SV2B: variants seen among roughly 807,000 people sequenced by gnomAD.
SV2B encodes synaptic vesicle glycoprotein 2B.
Under a neutral mutation model 73.9 loss-of-function variants are expected in SV2B, and 41 were observed. The ratio of observed to expected loss-of-function variants is 0.56; its 90% CI spans 0.43 to 0.72. SV2B has a LOEUF of 0.72. SV2B is among the 30% of genes least tolerant of loss of function. The pLI is 0.00. For synonymous variants in SV2B, 314 were observed against 314.2 expected, an observed-to-expected ratio of 1.00 and a Z score of 0.01; for missense variants, 764 against 857.8, an observed-to-expected ratio of 0.89 and a Z score of 1.37.
chr15:91,267,533 C>A lies in SV2B; in HGVS notation c.1120-22C>A. On this transcript the variant is annotated intron_variant, in intron 7 of 12. Transcript: ENST00000394232. This position sits in a 1 kb window ranked among gnomAD's most constrained non-coding sequence, Gnocchi z 4.3. The stretch of plus-strand genomic sequence containing the variant: ...GTCACACATTGCTTTCTTTAACAAT[C>A]CTTCTCTGGTATGGGTTGTAGGTCT... 2.5e-6 allele frequency: 4 copies of A among 1,598,326 alleles called. No individual in the cohort carries two copies. The African/African-American group carries it at 4.0e-5, about 16-fold the overall frequency.
intron 1 of SV2B, among the ~76,000 whole-genome samples, chr15:91,181,131 G>C (rs2044538897): frequency 6.6e-6 from 1 of 152,196 alleles, no homozygotes; most frequent in South Asian, 2.1e-4. Flanking sequence ...CTCAGCTGCA[G>C]GTCTGTTGGA....
At chr15:91,266,405 A>T (rs1374369416) in intron 6 of SV2B, among the ~76,000 whole-genome samples, 177 bp from the exon 7 acceptor site, 1 of 152,188 alleles carries the variant, frequency 6.6e-6, no homozygotes, top group African/African-American at 2.4e-5. Flanking sequence ...TCCCTAGATG[A>T]AAAGTTTATT....
chr15:91,266,175 A>G (rs1411170976), intron 6 of SV2B, among the ~76,000 whole-genome samples: 2 of 152,180 alleles, frequency 1.3e-5, no homozygotes, highest in African/African-American at 4.8e-5. Flanking sequence ...AAACAAATAA[A>G]AAAAACAAAA....
chr15:91,151,485 AGTCAG>A (rs1209285355), intron 1 of SV2B, among the ~76,000 whole-genome samples: 3 of 152,370 alleles, frequency 2.0e-5, no homozygotes, highest in Admixed American at 6.5e-5. Context: ...AGCCCAAGAA[AGTCAG>A]ATTTATTGAT....
intron 9 of SV2B, among the ~76,000 whole-genome samples, chr15:91,278,504 C>T (rs921226496): frequency 4.0e-5 from 6 of 151,298 alleles, no homozygotes; most frequent in East Asian, 1.9e-4. Context: ...GGTGAAACCC[C>T]GTCTCTACTA....
chr15:91,184,812 A>G (rs1349135186), intron 1 of SV2B, among the ~76,000 whole-genome samples: 3 of 152,238 alleles, frequency 2.0e-5, no homozygotes, highest in Non-Finnish European at 2.9e-5. Flanking sequence ...CTGGTTTAAA[A>G]ACTCTAAGTC....
At chr15:91,216,714 G>A (rs2046039593) in intron 1 of SV2B, among the ~76,000 whole-genome samples, 1 of 151,002 alleles carries the variant, frequency 6.6e-6, no homozygotes, top group South Asian at 2.1e-4. Context: ...CAGGTGATCT[G>A]CCCGCCTCGG....
chr15:91,213,019 G>T (rs1449152131), intron 1 of SV2B, among the ~76,000 whole-genome samples: 1 of 151,820 alleles, frequency 6.6e-6, no homozygotes, highest in Non-Finnish European at 1.5e-5. Context: ...TGGGCATGGT[G>T]GCTCACACCT....
At chr15:91,167,805 T>G (rs2043967551) in intron 1 of SV2B, among the ~76,000 whole-genome samples, 1 of 152,246 alleles carries the variant, frequency 6.6e-6, no homozygotes. Flanking sequence ...CTATAGATTT[T>G]GATTATTATG....
At chr15:91,194,381 C>T (rs1272303670) in intron 1 of SV2B, among the ~76,000 whole-genome samples, 1 of 152,076 alleles carries the variant, frequency 6.6e-6, no homozygotes, top group Non-Finnish European at 1.5e-5. Flanking sequence ...TGCCTTTGGG[C>T]ATAATTGGGT....
chr15:91,193,445 G>C (rs541989272), intron 1 of SV2B, among the ~76,000 whole-genome samples: 2 of 152,262 alleles, frequency 1.3e-5, no homozygotes, highest in African/African-American at 2.4e-5. Context: ...TCAGAGCCAG[G>C]GAACCCCCTT....
chr15:91,225,345 G>A (rs976789531), intron 1 of SV2B, among the ~76,000 whole-genome samples: 23 of 152,080 alleles, frequency 1.5e-4, no homozygotes, highest in Non-Finnish European at 3.2e-4. Flanking sequence ...ATGTTAAATC[G>A]TACAGCCACT....
intron 2 of SV2B, among the ~76,000 whole-genome samples, chr15:91,233,652 T>A (rs1404997034): frequency 1.3e-5 from 2 of 151,656 alleles, no homozygotes; most frequent in Admixed American, 6.6e-5. Flanking sequence ...AGCCCCTACA[T>A]TCTGATGAGT....
rs377576894 is a variant in SV2B at position 91,251,795 on chromosome 15, C to T, written c.452-24C>T. The stretch of plus-strand genomic sequence containing the variant: ...ATCTTTTGTCTTTTCTCTCTATTCT[C>T]TCCTCTCCTCCCCCTCATTGCAGGG... On this transcript the variant is annotated intron_variant, in intron 2 of 12. Coordinates refer to ENST00000394232, the MANE Select transcript of SV2B (RefSeq NM_001323032.3). 3.5e-5 allele frequency: 57 copies of T among 1,610,378 alleles called. No homozygotes were observed. The East Asian group carries it at 8.7e-4, about 25-fold the overall frequency.
chr15:91,258,500 C>A lies in SV2B; in HGVS notation c.864C>A (p.Thr288=). ...VFVIVCALPC[T]VSMVALKFMP... The stretch of plus-strand genomic sequence containing the variant: ...TCATCGTCTGTGCTCTGCCCTGCAC[C>A]GTGTCCATGGTGGCCCTGAAGTTCA... Residue 288 remains threonine (T), a synonymous_variant, in exon 5 of 13, where the codon ACC becomes ACA. Coordinates refer to ENST00000394232, the MANE Select transcript of SV2B (RefSeq NM_001323032.3). This position sits in a 1 kb window ranked among gnomAD's most constrained non-coding sequence, Gnocchi z 4.7. 6.2e-7 allele frequency: 1 copy of A among 1,614,130 alleles called. No homozygotes were observed. The highest frequency in any genetic ancestry group is 8.5e-7 in the Non-Finnish European group (1 of 1,180,006).
Position 91,226,319 on chromosome 15 carries a change from A to G in SV2B, c.56A>G (p.Tyr19Cys), listed in dbSNP as rs200518168. The stretch of plus-strand genomic sequence containing the variant: ...GGGGGCTATGCTCCCAGTGATGGCT[A>G]TTACCGCGGCAATGAGTCCAACCCA... ...NYGGYAPSDG[Y>C]YRGNESNPEE... The change falls in exon 2 of 13, where the codon TAT becomes TGT. Residue 19 changes from tyrosine to cysteine, a missense_variant. Coordinates refer to ENST00000394232, the MANE Select transcript of SV2B (RefSeq NM_001323032.3). The G allele has an allele frequency of 5.0e-6, 8 of 1,614,134 alleles. No homozygotes were observed. In the Admixed American group the frequency reaches 1.0e-4, roughly 20 times the overall value.
chr15:91,283,967 C>G lies in SV2B; in HGVS notation c.1508-54C>G. The G allele has an allele frequency of 3.8e-6, 6 of 1,590,934 alleles. No individual in the cohort carries two copies. In the South Asian group the frequency reaches 6.7e-5, roughly 18 times the overall value. On this transcript the variant is annotated intron_variant, in intron 10 of 12. Coordinates refer to ENST00000394232, the MANE Select transcript of SV2B (RefSeq NM_001323032.3). The surrounding 1 kb of genome is among the most constrained non-coding windows in gnomAD (Gnocchi z 4.3). ...AGACTTCATCCCTGCCTCTGCCTTT[C>G]TCTCTCCAGCTCCCTTCCACTTACA...
At chr15:91,266,477 C>T in intron 6 of SV2B, 105 bp from the exon 7 acceptor site, 1 of 822,636 alleles carries the variant, frequency 1.2e-6, no homozygotes, top group Non-Finnish European at 1.9e-6. Flanking sequence ...AAATCGCAGA[C>T]TCCTCTAGTC....
chr15:91,148,360 A>G (rs2043209435), intron 1 of SV2B, among the ~76,000 whole-genome samples: 2 of 152,068 alleles, frequency 1.3e-5, no homozygotes, highest in South Asian at 4.1e-4. Flanking sequence ...TCTTTGACCA[A>G]GATTGGGTCA....
Sources: allele counts gnomAD v4.1 joint callset (sites outside exome capture counted in the v4.1 genomes callset), GRCh38; gene constraint gnomAD v4.1.1; non-coding constraint Gnocchi (gnomAD v3.1); transcripts MANE v1.5; gene names NCBI Gene and HGNC (gene_info 2026-07-23, HGNC 2026-07-21).